The following AMOTL1 variants were observed in gnomAD, a reference collection of about 807,000 sequenced individuals.
AMOTL1 encodes the protein angiomotin-like protein 1.
In AMOTL1, 45 loss-of-function variants were observed where a neutral mutation model predicts 102.9. The ratio of observed to expected loss-of-function variants is 0.44; its 90% CI spans 0.34 to 0.56. The LOEUF is 0.56. Ranked by LOEUF, AMOTL1 falls within the 20% of genes least tolerant of loss-of-function variation. The probability of loss-of-function intolerance (pLI) is 0.01; values close to 1 mark genes in which losing one functional copy is unlikely to be tolerated. For missense variants in AMOTL1, 1,114 were observed against 1,225.6 expected (o/e 0.91, Z 1.36); for synonymous variants, 481 against 484.7 (o/e 0.99, Z 0.10).
chr11:94,708,157 C>T (rs1314994684), intron 1 of AMOTL1, among the ~76,000 whole-genome samples: 1 of 152,146 alleles, frequency 6.6e-6, no homozygotes, highest in Admixed American at 6.5e-5. Flanking sequence ...CTTAGCTCGT[C>T]CCCCCTGCTA....
At chr11:94,769,801 TTTC>T (rs1479458165) in intron 1 of AMOTL1, among the ~76,000 whole-genome samples, 2 of 152,078 alleles carry the variant, frequency 1.3e-5, no homozygotes, top group Non-Finnish European at 2.9e-5. Context: ...GGTTTCCCAT[TTTC>T]TTCTCCTGAG....
intron 1 of AMOTL1, among the ~76,000 whole-genome samples, chr11:94,712,144 A>C (rs918924735): frequency 6.6e-6 from 1 of 152,010 alleles, no homozygotes; most frequent in Admixed American, 6.6e-5. Flanking sequence ...ATTCTGATAG[A>C]TGGATAGTGA....
chr11:94,756,525 ATT>A (rs1288419569), intron 3 of AMOTL1, among the ~76,000 whole-genome samples: 1 of 152,146 alleles, frequency 6.6e-6, no homozygotes, highest in Non-Finnish European at 1.5e-5. Context: ...ATTCTATTTC[ATT>A]TATTTAAAAT....
At chr11:94,858,442 G>A (rs1952710035) in intron 8 of AMOTL1, among the ~76,000 whole-genome samples, 1 of 152,200 alleles carries the variant, frequency 6.6e-6, no homozygotes, top group Non-Finnish European at 1.5e-5. Flanking sequence ...GATAGGATTA[G>A]TTTCCGTCAG....
chr11:94,845,688 G>T (rs1178101404), intron 6 of AMOTL1, among the ~76,000 whole-genome samples: 1 of 152,336 alleles, frequency 6.6e-6, no homozygotes, highest in African/African-American at 2.4e-5. Context: ...GCTATGTGAA[G>T]GTGCCAAAGT....
intron 9 of AMOTL1, among the ~76,000 whole-genome samples, chr11:94,860,226 A>G (rs1345916739): frequency 6.6e-6 from 1 of 152,216 alleles, no homozygotes; most frequent in Non-Finnish European, 1.5e-5. Context: ...TATTATTATC[A>G]TCTTCATTTT....
chr11:94,835,556 A>C (rs1322402568), intron 6 of AMOTL1, among the ~76,000 whole-genome samples: 1 of 152,212 alleles, frequency 6.6e-6, no homozygotes, highest in Non-Finnish European at 1.5e-5. Flanking sequence ...GTGGAAATGA[A>C]ATTTCATTTT....
intron 6 of AMOTL1, among the ~76,000 whole-genome samples, chr11:94,836,490 T>A (rs1414817521): frequency 2.6e-5 from 4 of 152,198 alleles, no homozygotes; most frequent in Non-Finnish European, 5.9e-5. Context: ...CAAAACCCCT[T>A]GCATGTTCAT....
Position 94,869,489 on chromosome 11 carries a change from C to G in AMOTL1, c.2764+16C>G. The G allele has an allele frequency of 6.3e-7, 1 of 1,576,364 alleles. No individual in the cohort carries two copies. Among genetic ancestry groups the G allele is most frequent in the Non-Finnish European group, 8.6e-7 (1 of 1,159,850 alleles). ...GAGAAACTGGGTATGTGGGCTACCC[C>G]ACCTTGATGCCCCTGAAAACTGTGG... is the stretch of plus-strand genomic sequence containing the variant. On this transcript the variant is annotated intron_variant, in intron 12 of 12. Transcript: ENST00000433060.
intron 6 of AMOTL1, among the ~76,000 whole-genome samples, chr11:94,839,495 G>A (rs545274349): frequency 5.1e-4 from 78 of 152,294 alleles, no homozygotes; most frequent in African/African-American, 1.4e-3. Flanking sequence ...TAGGTCATTC[G>A]ATTCTGGAGC....
intron 1 of AMOTL1, among the ~76,000 whole-genome samples, chr11:94,773,325 T>C (rs1950980529): frequency 6.6e-6 from 1 of 152,260 alleles, no homozygotes; most frequent in African/African-American, 2.4e-5. Flanking sequence ...TCTGCTGTGT[T>C]TTCTTCTAAA....
chr11:94,782,890 C>G (rs1371720239), intron 1 of AMOTL1, among the ~76,000 whole-genome samples: 2 of 152,156 alleles, frequency 1.3e-5, no homozygotes, highest in Admixed American at 1.3e-4. Context: ...AAAAAATTCT[C>G]ACTTCGTTTT....
intron 1 of AMOTL1, among the ~76,000 whole-genome samples, chr11:94,787,687 CAAAAAAAAAAAAAAAAAAAAAAAAAA>C (rs59563004): frequency 5.2e-5 from 3 of 57,528 alleles, no homozygotes; most frequent in Non-Finnish European, 8.4e-5. Flanking sequence ...AACTCCGTCT[CAAAAAAAAAAAAAAAAAAAAAAAAAA>C]AAAAAAAAAA....
intron 1 of AMOTL1, among the ~76,000 whole-genome samples, chr11:94,771,145 A>C (rs937747481): frequency 6.7e-6 from 1 of 149,492 alleles, no homozygotes; most frequent in Non-Finnish European, 1.5e-5. Context: ...TAAAAGTTTG[A>C]TTTTTCAGGC....
chr11:94,806,691 G>A (rs1951574460), intron 3 of AMOTL1, among the ~76,000 whole-genome samples: 1 of 152,208 alleles, frequency 6.6e-6, no homozygotes, highest in African/African-American at 2.4e-5. Context: ...ATTTCAAGAA[G>A]CTAGGGTCAA....
At chr11:94,715,336 C>T (rs533498679) in intron 1 of AMOTL1, among the ~76,000 whole-genome samples, 9 of 152,166 alleles carry the variant, frequency 5.9e-5, no homozygotes, top group Non-Finnish European at 1.2e-4. Context: ...CCAGCTAATG[C>T]TATTATTTTT....
intron 3 of AMOTL1, among the ~76,000 whole-genome samples, chr11:94,744,584 G>T (rs1261109552): frequency 2.0e-5 from 3 of 152,208 alleles, no homozygotes; most frequent in African/African-American, 7.2e-5. Context: ...AGGGGTAGTA[G>T]GTGGGGAAGT....
At chr11:94,838,754 T>G (rs897644126) in intron 6 of AMOTL1, among the ~76,000 whole-genome samples, 1 of 152,236 alleles carries the variant, frequency 6.6e-6, no homozygotes, top group Non-Finnish European at 1.5e-5. Flanking sequence ...TAATTGTTAT[T>G]TTCTCTCTTA....
chr11:94,813,141 G>C (rs1218294967), intron 3 of AMOTL1, among the ~76,000 whole-genome samples: 1 of 152,206 alleles, frequency 6.6e-6, no homozygotes, highest in Non-Finnish European at 1.5e-5. Context: ...CATTTTGTAA[G>C]TATTTCTCAT....
Sources: gnomAD v4.1 joint callset for allele counts (sites outside exome capture counted in the v4.1 genomes callset) on GRCh38, gnomAD v4.1.1 for gene constraint, MANE v1.5 for transcripts, NCBI Gene and HGNC (gene_info 2026-07-23, HGNC 2026-07-21) for gene names.